Variants in RPL28 observed in about 807,000 individuals in gnomAD.
The protein encoded by RPL28 is ribosomal protein L28.
A neutral mutation model predicts 12.5 loss-of-function variants in RPL28; 4 were observed. The observed-to-expected ratio is 0.32, with a 90% CI of 0.16 to 0.73. The LOEUF is 0.73. Among genes scored for constraint, RPL28 ranks in the 30% least tolerant of loss-of-function variants. The pLI is 0.66. For synonymous variants in RPL28, 91 were observed against 72.5 expected (o/e 1.26, Z -1.30); for missense variants, 214 against 197.7 (o/e 1.08, Z -0.49).
At position 55,387,937 on chromosome 19, in the gene RPL28, G is replaced by A; in HGVS notation, c.213G>A (p.Arg71=). Residue 71 remains arginine (R), a synonymous_variant, in exon 4 of 5, where the codon CGG becomes CGA. Transcript: ENST00000344063. ...TCCCTGACCCCCAACCAGGCCAGCGGAAGCCTGCCACCTCCTATGTGCGGA... is the reference window on the plus strand; with the variant it reads ...TCCCTGACCCCCAACCAGGCCAGCGAAAGCCTGCCACCTCCTATGTGCGGA... ...VVVIKRRSGQ[R]KPATSYVRTT... The A allele has an allele frequency of 6.4e-7, 1 of 1,573,728 alleles. No homozygotes were observed. The highest frequency in any genetic ancestry group is 1.3e-5 in the African/African-American group (1 of 74,152).
At position 55,390,463 on chromosome 19, in the gene RPL28, C is replaced by T. The variant is rs749847501; in HGVS notation, c.*2131C>T. 15 of 985,284 alleles carry T rather than the reference C, an allele frequency of 1.5e-5. No individual in the cohort carries two copies. Among genetic ancestry groups the T allele is most frequent in the African/African-American group, 3.5e-5 (2 of 57,222 alleles). 61.0% of individuals were successfully genotyped at this position (985,284 alleles called of 1,614,324 possible). On this transcript the variant is annotated 3_prime_UTR_variant, in exon 5 of 5. Coordinates refer to ENST00000344063, the MANE Select transcript of RPL28 (RefSeq NM_000991.5). ...CAAATTACCCACCTGCCTCAGCCTC[C>T]CAAAGTGCTGGCATTACAGGCGCTC... is the stretch of plus-strand genomic sequence containing the variant.
chr19:55,392,334 C>A (rs769209617), downstream of RPL28, among the ~76,000 whole-genome samples: 1 of 151,660 alleles, frequency 6.6e-6, no homozygotes, highest in Non-Finnish European at 1.5e-5. Context: ...TGGGCACTCT[C>A]AATTGTCCCG....
chr19:55,402,795 G>T (rs538326443), intron 4 of RPL28: 1 of 635,758 alleles, frequency 1.6e-6, no homozygotes, highest in African/African-American at 1.8e-5. Context: ...GAAGGGAGGC[G>T]GTACATGTGG....
rs1324853671 is a variant in RPL28 at position 55,391,141 on chromosome 19, C to A, written c.*2809C>A. The A allele has an allele frequency of 4.3e-6, 1 of 231,382 alleles. No individual in the cohort carries two copies. The highest frequency in any genetic ancestry group is 7.2e-6 in the Non-Finnish European group (1 of 138,658). The allele number at this position is 231,382 out of a possible 1,614,324, so 14.3% of individuals were successfully genotyped here. On this transcript the variant is annotated 3_prime_UTR_variant, in exon 5 of 5. Transcript: ENST00000344063. Reference sequence around the variant, plus strand: ...CCAGGCCCAGGCAGTGGGGACACATCCAGAGTGCTGAAAGAACCTCCCCCA... The same window carrying A: ...CCAGGCCCAGGCAGTGGGGACACATACAGAGTGCTGAAAGAACCTCCCCCA...
At chr19:55,401,203 G>A in intron 4 of RPL28, 3 of 591,312 alleles carry the variant, frequency 5.1e-6, no homozygotes, top group African/African-American at 3.7e-5. Flanking sequence ...CAAGGACCCA[G>A]GGCCTGTGCA....
At chr19:55,386,841 C>G (rs1037111852) in intron 3 of RPL28, 148 bp downstream of exon 3, 32 of 1,567,160 alleles carry the variant, frequency 2.0e-5, no homozygotes, top group Non-Finnish European at 1.6e-5. Flanking sequence ...CGGCTTCCCT[C>G]TCGGCCGACT....
In RPL28 at chr19:55,387,570, G is replaced by A. The variant is rs565718754; in HGVS notation, c.206-360G>A. 555 of 1,423,486 alleles carry A rather than the reference G, an allele frequency of 3.9e-4. 3 individuals carry two copies. The African/African-American group carries it at 7.3e-3, about 19-fold the overall frequency. 88.2% of individuals were successfully genotyped at this position (1,423,486 alleles called of 1,614,324 possible). A position where few individuals can be genotyped will look rare whatever the true frequency, so the allele number is the denominator to read the frequency against. On this transcript the variant is annotated intron_variant, in intron 3 of 4. Coordinates refer to ENST00000344063, the MANE Select transcript of RPL28 (RefSeq NM_000991.5). ...AGCTGATGTTGAACCACTGCTGTGG[G>A]GATGGGCCTGGGGTTCCTGGGAAGC...
rs1282280945 is a variant in RPL28, at chr19:55,389,911, T to G, written c.*1579T>G. 1.0e-6 allele frequency: 1 copy of G among 985,444 alleles called. No homozygotes were observed. Among genetic ancestry groups the G allele is most frequent in the African/African-American group, 1.7e-5 (1 of 57,202 alleles). The allele number at this position is 985,444 out of a possible 1,614,324, so 61.0% of individuals were successfully genotyped here. The stretch of plus-strand genomic sequence containing the variant: ...TGCTCAGGAGCCCCCACTGTCCCAG[T>G]CCCACTCAGGCCCATCTCTGGCTGG... On this transcript the variant is annotated 3_prime_UTR_variant, in exon 5 of 5. Transcript: ENST00000344063.
At chr19:55,401,020 C>T (rs933000830) in intron 4 of RPL28, 28 of 211,382 alleles carry the variant, frequency 1.3e-4, no homozygotes, top group South Asian at 7.6e-4. Flanking sequence ...AGGGCAGTGC[C>T]GCTCAGGCCA....
At chr19:55,403,240 A>C in exon 5 of RPL28, 1 of 603,478 alleles carries the variant, frequency 1.7e-6, no homozygotes, top group Admixed American at 2.8e-5. Flanking sequence ...AAACCACTGA[A>C]CTGTATACTT....
chr19:55,387,162 T>C (rs544136911), intron 3 of RPL28: 1 of 1,293,230 alleles, frequency 7.7e-7, no homozygotes, highest in Admixed American at 2.0e-5. Context: ...CCCCACTCCA[T>C]ACATTGTGCT....
intron 4 of RPL28, among the ~76,000 whole-genome samples, chr19:55,398,995 C>T (rs914006770): frequency 6.6e-6 from 1 of 151,934 alleles, no homozygotes; most frequent in Non-Finnish European, 1.5e-5. Flanking sequence ...CCACCGTGCC[C>T]GGTTTGTTTT....
At position 55,389,794 on chromosome 19, in the gene RPL28, G is replaced by T. The variant is rs190984741; in HGVS notation, c.*1462G>T. The T allele has an allele frequency of 1.7e-5, 17 of 985,288 alleles. No individual in the cohort carries two copies. Among genetic ancestry groups the T allele is most frequent in the African/African-American group, 3.5e-5 (2 of 57,214 alleles). The allele number at this position is 985,288 out of a possible 1,614,324, so 61.0% of individuals were successfully genotyped here. A position where few individuals can be genotyped will look rare whatever the true frequency, so the allele number is the denominator to read the frequency against. The stretch of plus-strand genomic sequence containing the variant: ...AGGTGTTGCCTTAAAACTGAGTTGG[G>T]TGACTTGGTACCTGCTCAGGACCCC... On this transcript the variant is annotated 3_prime_UTR_variant, in exon 5 of 5. Transcript: ENST00000344063.
At chr19:55,399,816 G>T (rs1159581155) in intron 4 of RPL28, 1 of 152,224 alleles carries the variant, frequency 6.6e-6, no homozygotes, top group African/African-American at 2.4e-5. Context: ...CAGGATGCAG[G>T]CACCTTCCTT....
At position 55,390,092 on chromosome 19, in the gene RPL28, GT is replaced by G; in HGVS notation, c.*1763del. On this transcript the variant is annotated 3_prime_UTR_variant, in exon 5 of 5. Transcript: ENST00000344063. Reference sequence around the variant, plus strand: ...AAGCTGGCAGGTTTATCTGTCTCATGTTTGTCTTGTGCTGGTGGGCAAGGGG... The same window carrying G: ...AAGCTGGCAGGTTTATCTGTCTCATGTTGTCTTGTGCTGGTGGGCAAGGGG... The G allele has an allele frequency of 3.0e-6, 3 of 985,530 alleles. No individual in the cohort carries two copies. Among genetic ancestry groups the G allele is most frequent in the Non-Finnish European group, 3.6e-6 (3 of 829,990 alleles). 61.0% of individuals were successfully genotyped at this position (985,530 alleles called of 1,614,324 possible). A position where few individuals can be genotyped will look rare whatever the true frequency, so the allele number is the denominator to read the frequency against.
chr19:55,388,112 A>C (rs1569041080), intron 4 of RPL28, 64 bp downstream of exon 4: 1 of 1,601,814 alleles, frequency 6.2e-7, no homozygotes, highest in African/African-American at 1.3e-5. Context: ...AGGGCCTCCC[A>C]CTACTGGTTG....
intron 4 of RPL28, chr19:55,400,387 T>C (rs2090048574): frequency 6.6e-6 from 1 of 152,124 alleles, no homozygotes; most frequent in Non-Finnish European, 1.5e-5. Flanking sequence ...GAATGGGAAG[T>C]TTCCCCACCC....
intron 3 of RPL28, chr19:55,387,235 A>T (rs1431603786): frequency 1.5e-5 from 22 of 1,510,518 alleles, no homozygotes; most frequent in Non-Finnish European, 1.9e-5. Context: ...TCTCTAATGG[A>T]GGAGTCCAGC....
intron 3 of RPL28, chr19:55,386,935 G>T: frequency 2.0e-6 from 3 of 1,472,846 alleles, no homozygotes; most frequent in Non-Finnish European, 2.7e-6. Flanking sequence ...AACTTCCTCG[G>T]TGGTTGTTGA....
Sources: gnomAD v4.1 joint callset for allele counts (sites outside exome capture counted in the v4.1 genomes callset) on GRCh38, gnomAD v4.1.1 for gene constraint, MANE v1.5 for transcripts, NCBI Gene and HGNC (gene_info 2026-07-23, HGNC 2026-07-21) for gene names.